The following PVT1 variants were observed in gnomAD, a reference collection of about 807,000 sequenced individuals.
PVT1 encodes CXCR4/PVT1 fusion.
intron 2 of PVT1, among the ~76,000 whole-genome samples, chr8:127,844,922 C>T (rs1815014879): frequency 6.6e-6 from 1 of 152,080 alleles, no homozygotes; most frequent in African/African-American, 2.4e-5. Flanking sequence ...ACTGTGTTAG[C>T]CAGGATGGTC....
chr8:127,826,014 CTTTTTTTTTTT>C (rs57575268), intron 2 of PVT1, among the ~76,000 whole-genome samples: 4 of 89,696 alleles, frequency 4.5e-5, no homozygotes, highest in African/African-American at 1.9e-4. Flanking sequence ...CCATGCCCAG[CTTTTTTTTTTT>C]TTTTTTTTTT....
At chr8:127,965,011 A>G (rs1041369473) in intron 3 of PVT1, among the ~76,000 whole-genome samples, 2 of 152,100 alleles carry the variant, frequency 1.3e-5, no homozygotes, top group African/African-American at 4.8e-5. Context: ...AAATAAGGTC[A>G]TAGGCACCAG....
chr8:127,953,761 A>T (rs1047263903), intron 3 of PVT1, among the ~76,000 whole-genome samples: 9 of 152,146 alleles, frequency 5.9e-5, no homozygotes, highest in Admixed American at 2.0e-4. Flanking sequence ...GCTCATTTCT[A>T]TGTGGACTTC....
chr8:127,805,770 C>G (rs1171699656), intron 2 of PVT1, among the ~76,000 whole-genome samples: 1 of 151,924 alleles, frequency 6.6e-6, no homozygotes, highest in Non-Finnish European at 1.5e-5. Context: ...GAAAAAATAA[C>G]ATTATTGTAA....
At chr8:127,917,216 C>T (rs1010452316) in intron 3 of PVT1, among the ~76,000 whole-genome samples, 1 of 152,184 alleles carries the variant, frequency 6.6e-6, no homozygotes, top group African/African-American at 2.4e-5. Flanking sequence ...AACCACCCAT[C>T]CACCCACCCA....
chr8:127,849,112 AG>A (rs1409982782), intron 2 of PVT1, among the ~76,000 whole-genome samples: 6 of 152,278 alleles, frequency 3.9e-5, no homozygotes, highest in East Asian at 1.9e-4. Flanking sequence ...CTGGCTCAGT[AG>A]GAAGAGTGTG....
Position 127,914,914 on chromosome 8 carries a change from C to T in PVT1, n.782+23916C>T, listed in dbSNP as rs569435893. ...AATCTCAGCTCACTGCAACCTCCAC[C>T]TCCTGTGTTCAAGTGATTCTCCTGC... On this transcript the variant is annotated intron_variant and non_coding_transcript_variant, in intron 3 of 10. Transcript: ENST00000651587. Among the ~76,000 whole-genome samples, 3 of 151,702 alleles carry T rather than the reference C, an allele frequency of 2.0e-5. No individual in the cohort carries two copies. In the East Asian group the frequency reaches 5.8e-4, roughly 30 times the overall value.
intron 3 of PVT1, among the ~76,000 whole-genome samples, chr8:127,977,929 G>A (rs1816839467): frequency 6.6e-6 from 1 of 152,260 alleles, no homozygotes; most frequent in African/African-American, 2.4e-5. Context: ...CGTGGTGATG[G>A]GTGTTAGGTG....
At chr8:127,991,639 G>A (rs752080729) in intron 4 of PVT1, among the ~76,000 whole-genome samples, 4 of 152,150 alleles carry the variant, frequency 2.6e-5, no homozygotes, top group Non-Finnish European at 4.4e-5. Context: ...GGTCTGTCTC[G>A]GGGTGGGGTG....
At chr8:127,957,539 G>A (rs1816584696) in intron 3 of PVT1, among the ~76,000 whole-genome samples, 1 of 138,370 alleles carries the variant, frequency 7.2e-6, no homozygotes, top group African/African-American at 2.7e-5. Context: ...CTGCACTCCA[G>A]CCTGGTGACA....
At chr8:127,828,954 A>C (rs201815255) in intron 2 of PVT1, among the ~76,000 whole-genome samples, 2 of 152,308 alleles carry the variant, frequency 1.3e-5, no homozygotes, top group African/African-American at 4.8e-5. Flanking sequence ...AAGCATAATA[A>C]TAATGATTCA....
intron 3 of PVT1, among the ~76,000 whole-genome samples, chr8:127,986,636 C>T (rs1816973879): frequency 6.6e-6 from 1 of 152,164 alleles, no homozygotes; most frequent in Admixed American, 6.5e-5. Flanking sequence ...CAAGTTCTCT[C>T]CTTGTGGCCT....
At chr8:127,906,209 A>G (rs1221277789) in intron 3 of PVT1, among the ~76,000 whole-genome samples, 4 of 152,136 alleles carry the variant, frequency 2.6e-5, no homozygotes, top group African/African-American at 7.2e-5. Context: ...CACCTGGGTT[A>G]TGTTTTTGTC....
intron 2 of PVT1, among the ~76,000 whole-genome samples, chr8:127,868,795 A>ACG (rs1815318847): frequency 5.4e-5 from 3 of 55,350 alleles, no homozygotes; most frequent in South Asian, 8.3e-4. Flanking sequence ...ATATATATAC[A>ACG]TATATATGTA....
chr8:127,988,374 G>T (rs1408087458), intron 3 of PVT1, among the ~76,000 whole-genome samples: 2 of 152,186 alleles, frequency 1.3e-5, no homozygotes, highest in African/African-American at 4.8e-5. Context: ...TATGAATGGG[G>T]TTTTCTGTGG....
At chr8:127,945,423 TC>T in intron 3 of PVT1, among the ~76,000 whole-genome samples, 2 of 152,128 alleles carry the variant, frequency 1.3e-5, no homozygotes, top group Non-Finnish European at 2.9e-5. Context: ...AGCCCTGTTT[TC>T]CCCCATCTGG....
At chr8:127,984,859 T>TTCTTTCTTTCTTTCTTTCTTTC (rs1563657386) in intron 3 of PVT1, among the ~76,000 whole-genome samples, 7 of 58,106 alleles carry the variant, frequency 1.2e-4, no homozygotes, top group Admixed American at 1.2e-3. Flanking sequence ...CTTTCTTTCT[T>TTCTTTCTTTCTTTCTTTCTTTC]TCTTTCTTTC....
At chr8:128,028,340 C>G (rs1813344610) in intron 4 of PVT1, among the ~76,000 whole-genome samples, 1 of 152,242 alleles carries the variant, frequency 6.6e-6, no homozygotes, top group South Asian at 2.1e-4. Context: ...GGTATTGCGT[C>G]CAGGGCCACA....
intron 2 of PVT1, among the ~76,000 whole-genome samples, chr8:127,823,772 G>T (rs1814758128): frequency 6.6e-6 from 1 of 152,226 alleles, no homozygotes; most frequent in Non-Finnish European, 1.5e-5. Flanking sequence ...ATTGATAAAT[G>T]GATGAACAGT....
Sources: gnomAD v4.1 joint callset for allele counts (sites outside exome capture counted in the v4.1 genomes callset) on GRCh38, gnomAD v4.1.1 for gene constraint, MANE v1.5 for transcripts, NCBI Gene and HGNC (gene_info 2026-07-23, HGNC 2026-07-21) for gene names.